CATSPERT: variants seen among roughly 807,000 people sequenced by gnomAD.
The protein encoded by CATSPERT is cation channel sperm-associated targeting subunit tau.
the CATSPERT span, among the ~76,000 whole-genome samples, chr2:201,531,238 G>C: frequency 6.6e-6 from 1 of 151,728 alleles, no homozygotes. Context: ...GGATTATAGG[G>C]GTGAGCCACC....
At chr2:201,541,518 G>A in the CATSPERT span, among the ~76,000 whole-genome samples, 1 of 128,342 alleles carries the variant, frequency 7.8e-6, no homozygotes, top group Admixed American at 8.3e-5. Context: ...ACTCACTGAA[G>A]GCTCAGATGA....
the CATSPERT span, chr2:201,488,041 TAAAGAC>T: frequency 2.3e-5 from 16 of 705,936 alleles, no homozygotes; most frequent in African/African-American, 9.0e-5. Flanking sequence ...TAGCAACAGT[TAAAGAC>T]AAAGAATGAA....
At chr2:201,547,921 T>A in the CATSPERT span, among the ~76,000 whole-genome samples, 2 of 152,148 alleles carry the variant, frequency 1.3e-5, no homozygotes, top group Non-Finnish European at 2.9e-5. Flanking sequence ...GGCGTTATTA[T>A]CATTATTTAG....
chr2:201,513,577 A>C, the CATSPERT span, among the ~76,000 whole-genome samples: 280 of 152,326 alleles, frequency 1.8e-3, 1 homozygote, highest in African/African-American at 6.4e-3. Flanking sequence ...TCCCATTACC[A>C]GTTATATATC....
At chr2:201,526,841 T>C in the CATSPERT span, among the ~76,000 whole-genome samples, 1 of 152,194 alleles carries the variant, frequency 6.6e-6, no homozygotes, top group South Asian at 2.1e-4. Flanking sequence ...AACATTCCCT[T>C]GAGAACCAAA....
the CATSPERT span, chr2:201,535,824 G>A: frequency 6.9e-7 from 1 of 1,449,068 alleles, no homozygotes; most frequent in Non-Finnish European, 9.0e-7. Context: ...TCTAATATAA[G>A]GGCAGACACC....
chr2:201,603,760 A>T, the CATSPERT span, among the ~76,000 whole-genome samples: 1 of 152,212 alleles, frequency 6.6e-6, no homozygotes, highest in Non-Finnish European at 1.5e-5. Context: ...GTTTTTCTAA[A>T]TGTTAAAGAA....
At chr2:201,536,951 AC>A in the CATSPERT span, among the ~76,000 whole-genome samples, 1,358 of 152,068 alleles carry the variant, frequency 8.9e-3, 18 homozygotes, top group African/African-American at 0.031. Context: ...TTTACTCTTC[AC>A]TGATTTACAT....
chr2:201,506,687 G>A, the CATSPERT span, among the ~76,000 whole-genome samples: 3 of 152,042 alleles, frequency 2.0e-5, no homozygotes, highest in African/African-American at 7.2e-5. Context: ...CCGAGTAGCT[G>A]GGACTACAGG....
chr2:201,596,615 C>T, the CATSPERT span, among the ~76,000 whole-genome samples: 2,544 of 152,302 alleles, frequency 0.017, 65 homozygotes, highest in African/African-American at 0.053. Context: ...TGGGACTCAA[C>T]TATATGTTAT....
chr2:201,524,469 G>C, the CATSPERT span, among the ~76,000 whole-genome samples: 2 of 152,132 alleles, frequency 1.3e-5, no homozygotes, highest in Admixed American at 1.3e-4. Flanking sequence ...AAGGCAGCAA[G>C]GAAGTGCTAA....
At chr2:201,601,383 T>C in the CATSPERT span, among the ~76,000 whole-genome samples, 1 of 146,452 alleles carries the variant, frequency 6.8e-6, no homozygotes, top group East Asian at 2.0e-4. Context: ...GAATACAGGA[T>C]AGAAGAAAAG....
chr2:201,605,031 T>C, the CATSPERT span, among the ~76,000 whole-genome samples: 1 of 150,318 alleles, frequency 6.7e-6, no homozygotes, highest in Non-Finnish European at 1.5e-5. Flanking sequence ...TGAGTCTGAA[T>C]CTCTACTCAA....
chr2:201,611,949 G>C, the CATSPERT span, among the ~76,000 whole-genome samples: 6 of 152,256 alleles, frequency 3.9e-5, no homozygotes, highest in Admixed American at 3.9e-4. Context: ...ATGCAGATTT[G>C]CTTCTGCAGA....
chr2:201,618,086 T>C, the CATSPERT span, among the ~76,000 whole-genome samples: 1 of 152,028 alleles, frequency 6.6e-6, no homozygotes, highest in Non-Finnish European at 1.5e-5. Flanking sequence ...TGTGGAGAAA[T>C]AGGAACGCTT....
At chr2:201,545,088 AG>A in the CATSPERT span, among the ~76,000 whole-genome samples, 43 of 152,072 alleles carry the variant, frequency 2.8e-4, no homozygotes, top group Non-Finnish European at 6.0e-4. Flanking sequence ...CCCAGGCTGG[AG>A]TGCCGTGGCA....
the CATSPERT span, chr2:201,491,784 T>A: frequency 6.5e-7 from 1 of 1,537,102 alleles, no homozygotes; most frequent in African/African-American, 1.4e-5. Flanking sequence ...TCAGTGTCTT[T>A]TCACACCAAG....
At chr2:201,564,632 C>G in the CATSPERT span, among the ~76,000 whole-genome samples, 5 of 151,886 alleles carry the variant, frequency 3.3e-5, no homozygotes, top group Admixed American at 6.6e-5. Context: ...GGGTAGAGCC[C>G]TCATGAATGG....
At chr2:201,583,410 A>G in the CATSPERT span, among the ~76,000 whole-genome samples, 5 of 152,232 alleles carry the variant, frequency 3.3e-5, no homozygotes, top group Non-Finnish European at 7.3e-5. Context: ...TTGGGTCCCT[A>G]ATAAGCTATA....
Sources: gnomAD v4.1 joint callset for allele counts (sites outside exome capture counted in the v4.1 genomes callset) on GRCh38, gnomAD v4.1.1 for gene constraint, MANE v1.5 for transcripts, NCBI Gene and HGNC (gene_info 2026-07-23, HGNC 2026-07-21) for gene names.